The following PBX3 variants were observed in gnomAD, a reference collection of about 807,000 sequenced individuals.
The protein encoded by PBX3 is PBX homeobox 3.
Under a neutral mutation model 48.5 loss-of-function variants are expected in PBX3, and 14 were observed. The ratio of observed to expected loss-of-function variants is 0.29; its 90% CI spans 0.19 to 0.45. The LOEUF is 0.45. Ranked by LOEUF, PBX3 falls within the 20% of genes least tolerant of loss-of-function variation. The pLI, the probability that PBX3 is intolerant of heterozygous loss-of-function variation, is 1.00. For synonymous variants in PBX3, 210 were observed against 200.3 expected (o/e 1.05, Z -0.41); for missense variants, 386 against 546.7 (o/e 0.71, Z 2.93).
At position 125,747,662 on chromosome 9, in the gene PBX3, C is replaced by T. The variant is rs756564265; in HGVS notation, c.200+9C>T. On this transcript the variant is annotated intron_variant, in intron 1 of 8. Coordinates refer to ENST00000373489, the MANE Select transcript of PBX3 (RefSeq NM_006195.6). Reference sequence around the variant, plus strand: ...GACGAGGCGCAAGCAAAGTTGGTGTCGTCTCATTAAGCATCTTTTGTGTGT... The same window carrying T: ...GACGAGGCGCAAGCAAAGTTGGTGTTGTCTCATTAAGCATCTTTTGTGTGT... The T allele has an allele frequency of 2.5e-6, 4 of 1,580,736 alleles. No homozygotes were observed. The highest frequency in any genetic ancestry group is 1.7e-4 in the Middle Eastern group (1 of 5,962).
chr9:125,964,589 T>A (rs1032224124), intron 8 of PBX3, among the ~76,000 whole-genome samples: 2 of 152,028 alleles, frequency 1.3e-5, no homozygotes, highest in South Asian at 2.1e-4. Context: ...TGGAAAATCC[T>A]CTTCCCTTAG....
intron 2 of PBX3, among the ~76,000 whole-genome samples, chr9:125,798,005 T>A (rs910023213): frequency 3.9e-5 from 6 of 152,208 alleles, no homozygotes; most frequent in Non-Finnish European, 8.8e-5. Flanking sequence ...GTCCTGCTGC[T>A]GTTTCACAGA....
chr9:125,922,969 C>T (rs1211894338), intron 3 of PBX3, among the ~76,000 whole-genome samples: 1 of 152,212 alleles, frequency 6.6e-6, no homozygotes, highest in Admixed American at 6.5e-5. Context: ...GTGCACACTA[C>T]ATAAATGAGT....
At chr9:125,883,287 C>T (rs1015584172) in intron 2 of PBX3, among the ~76,000 whole-genome samples, 11 of 152,188 alleles carry the variant, frequency 7.2e-5, no homozygotes, top group Non-Finnish European at 1.5e-4. Context: ...ATCAGAAATA[C>T]TTAAACAGTT....
At chr9:125,769,792 C>T (rs1057133160) in intron 2 of PBX3, among the ~76,000 whole-genome samples, 4 of 152,076 alleles carry the variant, frequency 2.6e-5, no homozygotes, top group Admixed American at 6.6e-5. Context: ...CTGGGTAAGT[C>T]CTAGAGTGAT....
At chr9:125,936,851 C>G (rs1841847191) in intron 5 of PBX3, among the ~76,000 whole-genome samples, 1 of 152,164 alleles carries the variant, frequency 6.6e-6, no homozygotes, top group Non-Finnish European at 1.5e-5. Flanking sequence ...ACATTACTAA[C>G]TGGGTTACTC....
At position 125,747,554 on chromosome 9, in the gene PBX3, A is replaced by C. The variant is rs757663887; in HGVS notation, c.101A>C (p.His34Pro). The C allele has an allele frequency of 3.7e-6, 6 of 1,606,228 alleles. No individual in the cohort carries two copies. In the African/African-American group the frequency reaches 5.4e-5, roughly 15 times the overall value. The change falls in exon 1 of 9, where the codon CAC (histidine) becomes CCC (proline). Residue 34 changes from histidine (H) to proline (P), a missense_variant. Coordinates refer to ENST00000373489, the MANE Select transcript of PBX3 (RefSeq NM_006195.6). Reference sequence around the variant, plus strand: ...GCCCTGCCGCCTCCCCCGCACGGCCACGAAGGGGCGGACGGCGACGGCAGG... The same window carrying C: ...GCCCTGCCGCCTCCCCCGCACGGCCCCGAAGGGGCGGACGGCGACGGCAGG... ...GMALPPPPHG[H>P]EGADGDGRKQ...
intron 2 of PBX3, among the ~76,000 whole-genome samples, chr9:125,893,803 G>A (rs1025976607): frequency 6.6e-6 from 1 of 152,074 alleles, no homozygotes; most frequent in African/African-American, 2.4e-5. Flanking sequence ...TCACGCTTAG[G>A]AATCCAGTGT....
At chr9:125,837,752 G>A (rs1418729596) in intron 2 of PBX3, among the ~76,000 whole-genome samples, 2 of 151,894 alleles carry the variant, frequency 1.3e-5, no homozygotes, top group African/African-American at 2.4e-5. Flanking sequence ...CACCATGCCC[G>A]GCTAATTTTT....
chr9:125,757,703 C>G (rs1484342559), intron 2 of PBX3, among the ~76,000 whole-genome samples: 1 of 152,084 alleles, frequency 6.6e-6, no homozygotes, highest in Non-Finnish European at 1.5e-5. Flanking sequence ...ATTACACTAA[C>G]ATGAAAAGTT....
chr9:125,843,784 A>G (rs1351460722), intron 2 of PBX3: 1 of 455,936 alleles, frequency 2.2e-6, no homozygotes, highest in East Asian at 7.0e-5. Context: ...ACATGAAATG[A>G]TGCTGAGAGA....
At chr9:125,813,017 C>A (rs980708638) in intron 2 of PBX3, among the ~76,000 whole-genome samples, 1 of 152,142 alleles carries the variant, frequency 6.6e-6, no homozygotes, top group South Asian at 2.1e-4. Flanking sequence ...CTACCGCACA[C>A]TTTATATATG....
At chr9:125,881,506 C>T (rs1249649641) in intron 2 of PBX3, among the ~76,000 whole-genome samples, 1 of 152,170 alleles carries the variant, frequency 6.6e-6, no homozygotes, top group Non-Finnish European at 1.5e-5. Context: ...TTCAATTTTA[C>T]ATCATTATCA....
intron 1 of PBX3, chr9:125,748,331 G>T: frequency 8.1e-7 from 1 of 1,239,098 alleles, no homozygotes; most frequent in Non-Finnish European, 1.0e-6. Context: ...GCTGCCTGCC[G>T]GGCAGATGGG....
intron 2 of PBX3, among the ~76,000 whole-genome samples, chr9:125,866,914 C>G (rs551318727): frequency 1.3e-5 from 2 of 152,048 alleles, no homozygotes; most frequent in Non-Finnish European, 2.9e-5. Flanking sequence ...TTTTGTCTTA[C>G]TTGCTTTTTT....
chr9:125,934,010 G>A (rs1301064216), intron 4 of PBX3, among the ~76,000 whole-genome samples: 1 of 151,912 alleles, frequency 6.6e-6, no homozygotes, highest in Non-Finnish European at 1.5e-5. Flanking sequence ...ATTTGTCTTC[G>A]TTCCGTTCCT....
chr9:125,819,101 G>C (rs1016180465), intron 2 of PBX3, among the ~76,000 whole-genome samples: 1 of 151,872 alleles, frequency 6.6e-6, no homozygotes, highest in Non-Finnish European at 1.5e-5. Flanking sequence ...CTCCCAAAGT[G>C]CTGGGATTAC....
chr9:125,872,752 C>T (rs1304904864), intron 2 of PBX3, among the ~76,000 whole-genome samples: 3 of 149,670 alleles, frequency 2.0e-5, no homozygotes, highest in South Asian at 2.1e-4. Context: ...AGAGTGAGAT[C>T]TCGTCTCAAA....
In PBX3 at chr9:125,940,950, A is replaced by G. The variant is rs1841947363; in HGVS notation, c.843+5343A>G. Among the ~76,000 whole-genome samples the G allele has an allele frequency of 3.9e-5, 6 of 152,130 alleles. No homozygotes were observed. In the South Asian group the frequency reaches 1.2e-3, roughly 31 times the overall value. ...CCTATGATGTGTGGCCCTTTTTTGT[A>G]TATTTTTATTTTATTTGACTAAAAA... is the stretch of plus-strand genomic sequence containing the variant. On this transcript the variant is annotated intron_variant, in intron 5 of 8. Coordinates refer to ENST00000373489, the MANE Select transcript of PBX3 (RefSeq NM_006195.6).
Sources: allele counts gnomAD v4.1 joint callset (sites outside exome capture counted in the v4.1 genomes callset), GRCh38; gene constraint gnomAD v4.1.1; transcripts MANE v1.5; gene names NCBI Gene and HGNC (gene_info 2026-07-23, HGNC 2026-07-21).